NBPF11: variants seen among roughly 807,000 people sequenced by gnomAD.
NBPF11 encodes NBPF family member NBPF11.
NBPF11 carries 72 observed loss-of-function variants against 93.9 expected under a neutral mutation model. The ratio of observed to expected loss-of-function variants is 0.77; its 90% CI spans 0.63 to 0.93. The LOEUF (loss-of-function observed/expected upper bound fraction) is 0.93. NBPF11 is among the 40% of genes least tolerant of loss of function. The pLI is 0.00. For missense variants in NBPF11, 705 were observed against 802.2 expected (o/e 0.88, Z 1.46); for synonymous variants, 224 against 304.9 (o/e 0.73, Z 2.76).
chr1:148,113,088 C>CA (rs1485912898), intron 15 of NBPF11, among the ~76,000 whole-genome samples: 16 of 151,992 alleles, frequency 1.1e-4, no homozygotes, highest in African/African-American at 3.9e-4. Context: ...CAGCAAACAT[C>CA]ATAACGACAG....
intron 21 of NBPF11, among the ~76,000 whole-genome samples, 195 bp from the exon 22 acceptor site, chr1:148,105,723 C>CAA (rs782131407): frequency 1.0e-4 from 5 of 49,268 alleles, no homozygotes; most frequent in Non-Finnish European, 1.5e-4. Context: ...GAAAGACAGA[C>CAA]ACACACACAC....
chr1:148,104,504 C>G (rs2149160794), intron 23 of NBPF11, 33 bp downstream of exon 23: 1 of 586,082 alleles, frequency 1.7e-6, no homozygotes, highest in Non-Finnish European at 3.0e-6. Flanking sequence ...GGTGTTAACA[C>G]AGAATTAAGC....
intron 3 of NBPF11, 23 bp from the exon 4 acceptor site, chr1:148,135,836 T>A: frequency 1.4e-6 from 1 of 710,934 alleles, no homozygotes. Flanking sequence ...AACAAATAAT[T>A]TATTTACCTC....
Position 148,108,552 on chromosome 1 carries a change from T to A in NBPF11, c.1956A>T (p.Ser652=). 2 of 1,604,182 alleles carry A rather than the reference T, an allele frequency of 1.2e-6. No homozygotes were observed. The part of the protein sequence containing the change: ...TPSVYLGLTD[S]CQPYRSAFYV... ...AAAAGGCACTTCTGTAGGGCTGGCA[T>A]GAGTCAGTCAGTCCAAGATAAACTG... The change falls in exon 18 of 24, where the codon TCA becomes TCT. Residue 652 remains serine, a synonymous_variant. Coordinates refer to ENST00000682118, the MANE Select transcript of NBPF11 (RefSeq NM_001385469.3).
At position 148,121,348 on chromosome 1, in the gene NBPF11, C is replaced by CTTTTTTTTTT. The variant is rs782740427; in HGVS notation, c.779-648_779-639dup. On this transcript the variant is annotated intron_variant, in intron 9 of 23. Coordinates refer to ENST00000682118, the MANE Select transcript of NBPF11 (RefSeq NM_001385469.3). ...GTGAGCCAGCGTCCCTGGTCAGAGACTTTTTTTTTTTTTTTTTGAGATGCA... is the reference window on the plus strand; with the variant it reads ...GTGAGCCAGCGTCCCTGGTCAGAGACTTTTTTTTTTTTTTTTTTTTTTTTTTTGAGATGCA... Among the ~76,000 whole-genome samples, 135 of 124,842 alleles carry CTTTTTTTTTT rather than the reference C, an allele frequency of 1.1e-3. 7 individuals are homozygous for CTTTTTTTTTT. The highest frequency in any genetic ancestry group is 1.7e-3 in the Non-Finnish European group (98 of 59,266). 81.9% of individuals were successfully genotyped at this position (124,842 alleles called of 152,430 possible). A position where few individuals can be genotyped will look rare whatever the true frequency, so the allele number is the denominator to read the frequency against.
intron 1 of NBPF11, among the ~76,000 whole-genome samples, chr1:148,148,161 A>G (rs1398935994): frequency 6.6e-6 from 1 of 152,200 alleles, no homozygotes; most frequent in African/African-American, 2.4e-5. Context: ...CCAGCCAGGC[A>G]GCATCCTTTG....
intron 15 of NBPF11, 130 bp downstream of exon 15, chr1:148,114,307 T>A: frequency 1.4e-6 from 1 of 725,948 alleles, no homozygotes; most frequent in Non-Finnish European, 2.5e-6. Flanking sequence ...CATACAACAT[T>A]GTAAATCAGC....
At chr1:148,141,119 A>G (rs1194228624) in intron 2 of NBPF11, among the ~76,000 whole-genome samples, 1 of 151,892 alleles carries the variant, frequency 6.6e-6, no homozygotes, top group Non-Finnish European at 1.5e-5. Context: ...AAGTAGTAAA[A>G]CGATGAGTGG....
At chr1:148,146,533 G>T in intron 1 of NBPF11, 1 of 1,603,094 alleles carries the variant, frequency 6.2e-7, no homozygotes, top group Non-Finnish European at 8.5e-7. Context: ...GGGGCCTGGT[G>T]GGGCCGGGGC....
chr1:148,127,849 G>A (rs1276914638), intron 4 of NBPF11, among the ~76,000 whole-genome samples: 2 of 151,678 alleles, frequency 1.3e-5, no homozygotes, highest in Admixed American at 6.5e-5. Flanking sequence ...GTAGAGACGG[G>A]GTTTCACTGT....
At position 148,115,948 on chromosome 1, in the gene NBPF11, T is replaced by G. The variant is rs1666416634; in HGVS notation, c.1430A>C (p.Glu477Ala). 1.9e-6 allele frequency: 3 copies of G among 1,587,554 alleles called. No homozygotes were observed. In the African/African-American group the frequency reaches 4.3e-5, roughly 23 times the overall value. ...EKEVPEDSLE[E>A]CAITCSNSHG... ...GCTATTTGAACAAGTGATGGCACACTCCTCCAGTGAGTCCTCAGGGACTTC... is the reference window on the plus strand; with the variant it reads ...GCTATTTGAACAAGTGATGGCACACGCCTCCAGTGAGTCCTCAGGGACTTC... The change falls in exon 14 of 24, where the codon GAG (glutamate) becomes GCG (alanine). Residue 477 changes from glutamate (E) to alanine (A), a missense_variant. Physicochemically the swap from Glu to Ala is moderately radical, Grantham distance 107 (BLOSUM62 -1). Around this residue, in one of 12 missense-constraint regions of NBPF11, gnomAD observed 54 missense variants for 91.8 expected, o/e 0.59. Coordinates refer to ENST00000682118, the MANE Select transcript of NBPF11 (RefSeq NM_001385469.3).
chr1:148,125,086 T>A, intron 5 of NBPF11, 85 bp from the exon 6 acceptor site: 7 of 846,542 alleles, frequency 8.3e-6, no homozygotes, highest in African/African-American at 1.7e-5. Context: ...GCCAGGTCCA[T>A]CCCAAGGACA....
At chr1:148,122,352 G>C in intron 8 of NBPF11, 86 bp from the exon 9 acceptor site, 6 of 1,596,858 alleles carry the variant, frequency 3.8e-6, no homozygotes, top group Non-Finnish European at 4.3e-6. Flanking sequence ...TTTGACAAGC[G>C]GCATTAAGAG....
rs1173286753 is a variant in NBPF11, at chr1:148,118,604, C to T, written c.1091+16G>A. 3.7e-6 allele frequency: 6 copies of T among 1,605,174 alleles called. No individual in the cohort carries two copies. Among genetic ancestry groups the T allele is most frequent in the South Asian group, 2.2e-5 (2 of 90,850 alleles). On this transcript the variant is annotated intron_variant, in intron 11 of 23. Coordinates refer to ENST00000682118, the MANE Select transcript of NBPF11 (RefSeq NM_001385469.3). ...ACACACCTGCCCCCCTGCCTGCCCC[C>T]ATGGGGTCCCCTCACCTGAGCTCCT...
rs1218478517 is a variant in NBPF11 at position 148,148,977 on chromosome 1, C to G, written c.-549+2773G>C. ...GGGGCGGGGCCGCTGGCTTCGCCCA[C>G]CGCCACGGTGTTGGGGGCTGGGGGT... On this transcript the variant is annotated intron_variant, in intron 1 of 23. Transcript: ENST00000682118. Among the ~76,000 whole-genome samples the G allele has an allele frequency of 4.6e-3, 697 of 151,224 alleles. 10 individuals carry two copies. The highest frequency in any genetic ancestry group is 0.016 in the African/African-American group (669 of 40,826).
chr1:148,122,415 T>C (rs1668083150), intron 8 of NBPF11, 149 bp from the exon 9 acceptor site: 2 of 1,387,980 alleles, frequency 1.4e-6, no homozygotes, highest in East Asian at 2.3e-5. Context: ...CAGGCAATCC[T>C]CTTCTCTCTG....
rs1662870868 is a variant in NBPF11 at position 148,103,872 on chromosome 1, A to C, written c.*24T>G. ...TAATATCTATCCAGTGAGTCCTGTA[A>C]GACTTCAGGCACTTCCACTTCCATC... On this transcript the variant is annotated 3_prime_UTR_variant, in exon 24 of 24. Coordinates refer to ENST00000682118, the MANE Select transcript of NBPF11 (RefSeq NM_001385469.3). 2 of 1,611,196 alleles carry C rather than the reference A, an allele frequency of 1.2e-6. No homozygotes were observed. Among genetic ancestry groups the C allele is most frequent in the Non-Finnish European group, 1.7e-6 (2 of 1,179,350 alleles).
intron 18 of NBPF11, among the ~76,000 whole-genome samples, chr1:148,108,256 G>A (rs868958305): frequency 0.036 from 5,429 of 151,552 alleles, 63 homozygotes; most frequent in Non-Finnish European, 0.057. Flanking sequence ...AGTAGGATTA[G>A]GGTGCCACAG....
intron 1 of NBPF11, chr1:148,146,389 C>T: frequency 6.3e-7 from 1 of 1,587,446 alleles, no homozygotes; most frequent in Non-Finnish European, 8.5e-7. Context: ...CCGGGCGGCG[C>T]CCGCCATGAA....
Sources: allele counts gnomAD v4.1 joint callset (sites outside exome capture counted in the v4.1 genomes callset), GRCh38; gene constraint gnomAD v4.1.1; regional missense constraint gnomAD v4.1.1; transcripts MANE v1.5; gene names NCBI Gene and HGNC (gene_info 2026-07-23, HGNC 2026-07-21).